NPR3: variants seen among roughly 807,000 people sequenced by gnomAD.
The protein encoded by NPR3 is natriuretic peptide receptor 3, also known as atrial natriuretic peptide receptor 3.
In NPR3, 34 loss-of-function variants were observed where a neutral mutation model predicts 54.5. That is an observed-to-expected ratio of 0.62 (90% CI 0.47 to 0.83). The LOEUF (loss-of-function observed/expected upper bound fraction) is 0.83. Among genes scored for constraint, NPR3 ranks in the 40% least tolerant of loss-of-function variants. The probability of loss-of-function intolerance (pLI) is 0.00; values close to 1 mark genes in which losing one functional copy is unlikely to be tolerated. For synonymous variants in NPR3, 289 were observed against 297.1 expected (o/e 0.97, Z 0.28); for missense variants, 674 against 720.8 (o/e 0.94, Z 0.74).
chr5:32,752,852 G>T lies in NPR3; in HGVS notation c.1059+13822G>T, dbSNP rs559236663. Among the ~76,000 whole-genome samples, 4 of 152,142 alleles carry T rather than the reference G, an allele frequency of 2.6e-5. No individual in the cohort carries two copies. The East Asian group carries it at 7.7e-4, about 29-fold the overall frequency. Reference sequence around the variant, plus strand: ...CTTTCAGAACTCATTTAAATAAAGAGGTATTAAAATCTAAAAAATATACAT... The same window carrying T: ...CTTTCAGAACTCATTTAAATAAAGATGTATTAAAATCTAAAAAATATACAT... On this transcript the variant is annotated intron_variant, in intron 3 of 7. Coordinates refer to ENST00000265074, the MANE Select transcript of NPR3 (RefSeq NM_001204375.2).
At chr5:32,735,288 T>C (rs1739669536) in intron 2 of NPR3, among the ~76,000 whole-genome samples, 1 of 152,178 alleles carries the variant, frequency 6.6e-6, no homozygotes, top group Middle Eastern at 3.2e-3. Flanking sequence ...ACTGTTAACC[T>C]GTTTTCCTTT....
At chr5:32,771,507 C>T (rs529640741) in intron 3 of NPR3, among the ~76,000 whole-genome samples, 4 of 151,874 alleles carry the variant, frequency 2.6e-5, no homozygotes, top group East Asian at 3.9e-4. Context: ...TGGATTGTAG[C>T]GGGGGCAGCT....
chr5:32,697,880 T>C (rs1013516488), intron 1 of NPR3, among the ~76,000 whole-genome samples: 1 of 152,100 alleles, frequency 6.6e-6, no homozygotes, highest in African/African-American at 2.4e-5. Context: ...GTATTCTCTT[T>C]TATTTTTAGT....
chr5:32,764,886 G>T (rs575255559), intron 3 of NPR3, among the ~76,000 whole-genome samples: 2 of 150,838 alleles, frequency 1.3e-5, no homozygotes, highest in South Asian at 4.2e-4. Context: ...ACCACTACTG[G>T]AATGCTCTTT....
At position 32,745,490 on chromosome 5, in the gene NPR3, T is replaced by G. The variant is rs144316657; in HGVS notation, c.1059+6460T>G. 1.5e-3 allele frequency among the ~76,000 whole-genome samples: 225 copies of G among 152,346 alleles called. 2 individuals carry two copies. Among genetic ancestry groups the G allele is most frequent in the African/African-American group, 5.0e-3 (208 of 41,574 alleles). On this transcript the variant is annotated intron_variant, in intron 3 of 7. Coordinates refer to ENST00000265074, the MANE Select transcript of NPR3 (RefSeq NM_001204375.2). Reference sequence around the variant, plus strand: ...ACTGGTATTTGGTTTTAGAATGCACTGTGTGGTGGCCAAGCCAAGATTAGT... The same window carrying G: ...ACTGGTATTTGGTTTTAGAATGCACGGTGTGGTGGCCAAGCCAAGATTAGT...
intron 3 of NPR3, among the ~76,000 whole-genome samples, chr5:32,763,236 C>T (rs1226620999): frequency 6.6e-6 from 1 of 152,052 alleles, no homozygotes; most frequent in African/African-American, 2.4e-5. Flanking sequence ...TTACTGTAGC[C>T]TTGTAGTATA....
intron 1 of NPR3, chr5:32,713,197 T>C (rs970790057): frequency 2.0e-6 from 2 of 985,298 alleles, no homozygotes; most frequent in African/African-American, 3.5e-5. Context: ...CACTCACTTC[T>C]CCCAGAGTGT....
At chr5:32,769,926 G>A (rs952784475) in intron 3 of NPR3, among the ~76,000 whole-genome samples, 4 of 152,186 alleles carry the variant, frequency 2.6e-5, no homozygotes, top group African/African-American at 4.8e-5. Flanking sequence ...TCGCTGCCAC[G>A]GTTGGGAGCC....
chr5:32,723,354 C>A (rs576669667), intron 1 of NPR3, among the ~76,000 whole-genome samples: 38 of 152,236 alleles, frequency 2.5e-4, no homozygotes, highest in Non-Finnish European at 4.4e-4. Flanking sequence ...GCAACAATAT[C>A]CAATTCGAGA....
chr5:32,692,424 A>G (rs1046894872), intron 1 of NPR3, among the ~76,000 whole-genome samples: 5 of 152,250 alleles, frequency 3.3e-5, no homozygotes, highest in African/African-American at 1.2e-4. Context: ...TGTAGGATAG[A>G]TGAGGCACAA....
At chr5:32,707,879 G>A (rs1039915010), upstream of NPR3, among the ~76,000 whole-genome samples, 1 of 151,674 alleles carries the variant, frequency 6.6e-6, no homozygotes, top group African/African-American at 2.4e-5. Context: ...TCCTGGTAGT[G>A]AGAAATAACA....
intron 3 of NPR3, among the ~76,000 whole-genome samples, chr5:32,743,224 C>T (rs867677069): frequency 6.6e-6 from 1 of 152,170 alleles, no homozygotes; most frequent in Non-Finnish European, 1.5e-5. Context: ...GGTAATTGCA[C>T]ACTTACATGC....
Position 32,711,949 on chromosome 5 carries a change from T to C in NPR3, c.173T>C (p.Leu58Ser), listed in dbSNP as rs1561074546. 6.4e-7 allele frequency: 1 copy of C among 1,562,222 alleles called. No homozygotes were observed. Among genetic ancestry groups the C allele is most frequent in the Non-Finnish European group, 8.7e-7 (1 of 1,152,580 alleles). Residue 58 changes from leucine to serine, a missense_variant, in exon 1 of 8, where the codon TTA becomes TCA. Leu to Ser is a moderately radical substitution (Grantham distance 145, BLOSUM62 -2). Coordinates refer to ENST00000265074, the MANE Select transcript of NPR3 (RefSeq NM_001204375.2). ...LPPQKIEVLV[L>S]LPQDDSYLFS... ...CCACAGAAGATCGAGGTGCTGGTGTTACTGCCCCAGGATGACTCGTACTTG... is the reference window on the plus strand; with the variant it reads ...CCACAGAAGATCGAGGTGCTGGTGTCACTGCCCCAGGATGACTCGTACTTG...
intron 3 of NPR3, among the ~76,000 whole-genome samples, chr5:32,743,981 T>G (rs2111962753): frequency 7.0e-6 from 1 of 141,998 alleles, no homozygotes; most frequent in South Asian, 2.3e-4. Context: ...TATTCCATTC[T>G]GATGCATTTT....
intron 4 of NPR3, among the ~76,000 whole-genome samples, chr5:32,775,435 C>CGT (rs1205552270): frequency 6.6e-6 from 1 of 152,072 alleles, no homozygotes; most frequent in Non-Finnish European, 1.5e-5. Flanking sequence ...GCAGGGATTA[C>CGT]AGGCGCCTGC....
rs79940450 is a variant in NPR3, at chr5:32,749,896, A to G, written c.1059+10866A>G. Among the ~76,000 whole-genome samples, 686 of 152,286 alleles carry G rather than the reference A, an allele frequency of 4.5e-3. 34 individuals carry two copies. In the East Asian group the frequency reaches 0.093, roughly 21 times the overall value. ...TAGGGAGGAGATCCGACTCAATTTA[A>G]GGTTGAAAAATGGGATATTTACATA... On this transcript the variant is annotated intron_variant, in intron 3 of 7. Transcript: ENST00000265074.
chr5:32,695,469 G>A (rs1375725244), intron 1 of NPR3, among the ~76,000 whole-genome samples: 1 of 151,938 alleles, frequency 6.6e-6, no homozygotes, highest in Admixed American at 6.6e-5. Context: ...GGAGTTTCAC[G>A]GTGTTAGTCA....
At chr5:32,743,448 T>G (rs1036982387) in intron 3 of NPR3, among the ~76,000 whole-genome samples, 1 of 152,156 alleles carries the variant, frequency 6.6e-6, no homozygotes, top group Non-Finnish European at 1.5e-5. Context: ...TAGATTTGAG[T>G]GTTTGAATTT....
At chr5:32,712,942 C>T (rs559327678) in intron 1 of NPR3, among the ~76,000 whole-genome samples, 4 of 152,162 alleles carry the variant, frequency 2.6e-5, no homozygotes, top group African/African-American at 9.7e-5. Context: ...ACTTGTTCCC[C>T]AGTCCTTTGC....
Sources: gnomAD v4.1 joint callset for allele counts (sites outside exome capture counted in the v4.1 genomes callset) on GRCh38, gnomAD v4.1.1 for gene constraint, MANE v1.5 for transcripts, NCBI Gene and HGNC (gene_info 2026-07-23, HGNC 2026-07-21) for gene names.